TBL1X: variants seen among roughly 807,000 people sequenced by gnomAD.
TBL1X encodes F-box-like/WD repeat-containing protein TBL1X.
In TBL1X, 10 loss-of-function variants were observed where a neutral mutation model predicts 50.7. That is an observed-to-expected ratio of 0.20 (90% confidence interval 0.12 to 0.33). The LOEUF (loss-of-function observed/expected upper bound fraction) is 0.33, where lower values mean the gene tolerates loss of function less well. Ranked by LOEUF, TBL1X falls within the 10% of genes least tolerant of loss-of-function variation. TBL1X has a pLI of 1.00. For synonymous variants in TBL1X, 190 were observed against 214.7 expected (o/e 0.88, Z 1.01); for missense variants, 340 against 504.4 (o/e 0.67, Z 3.12).
At chrX:9,483,702 T>C (rs2081895596) in intron 1 of TBL1X, among the ~76,000 whole-genome samples, 2 of 111,643 alleles carry the variant, frequency 1.8e-5, no homozygotes, top group Admixed American at 1.9e-4. Flanking sequence ...CTTTGAAGTC[T>C]TTTTGCCTGC....
At chrX:9,571,665 A>G (rs903277341) in intron 2 of TBL1X, among the ~76,000 whole-genome samples, 2 of 112,072 alleles carry the variant, frequency 1.8e-5, no homozygotes, top group Admixed American at 9.4e-5. Flanking sequence ...AGGCATCATC[A>G]CCATCCTTCT....
At chrX:9,698,442 C>T (rs1216080350) in intron 12 of TBL1X, among the ~76,000 whole-genome samples, 2 of 111,849 alleles carry the variant, frequency 1.8e-5, no homozygotes, top group African/African-American at 6.5e-5. Flanking sequence ...CGGCCAAATC[C>T]AGAGCTTCGA....
At chrX:9,585,868 T>C (rs1421199413) in intron 2 of TBL1X, among the ~76,000 whole-genome samples, 1 of 111,989 alleles carries the variant, frequency 8.9e-6, no homozygotes, top group Admixed American at 9.4e-5. Flanking sequence ...ACATGTGAAT[T>C]TTAGGGGAAC....
intron 2 of TBL1X, among the ~76,000 whole-genome samples, chrX:9,629,867 C>T (rs1195646767): frequency 1.8e-5 from 2 of 110,550 alleles, no homozygotes; most frequent in South Asian, 3.9e-4. Context: ...CGCTGATCGC[C>T]GGTTGTATGG....
chrX:9,473,640 A>G (rs761947694), intron 1 of TBL1X, among the ~76,000 whole-genome samples: 1 of 111,984 alleles, frequency 8.9e-6, no homozygotes, highest in Non-Finnish European at 1.9e-5. Context: ...GCAGCCAACT[A>G]ATGGTTCTCA....
At chrX:9,527,781 G>T (rs1048802881) in intron 2 of TBL1X, among the ~76,000 whole-genome samples, 2 of 110,306 alleles carry the variant, frequency 1.8e-5, no homozygotes, top group Non-Finnish European at 3.8e-5. Flanking sequence ...CACCATCACC[G>T]CCATTCATAA....
At chrX:9,478,318 G>A (rs1352047855) in intron 1 of TBL1X, among the ~76,000 whole-genome samples, 1 of 111,435 alleles carries the variant, frequency 9.0e-6, no homozygotes, top group Non-Finnish European at 1.9e-5. Flanking sequence ...CATCTTGAAA[G>A]CACCTGCCTG....
chrX:9,541,760 C>T (rs112399868), intron 2 of TBL1X, among the ~76,000 whole-genome samples: 6 of 111,133 alleles, frequency 5.4e-5, no homozygotes, highest in African/African-American at 2.0e-4. Context: ...AGCCATGCAG[C>T]GTTTTGGTCA....
At chrX:9,668,192 G>A (rs2082941330) in intron 5 of TBL1X, among the ~76,000 whole-genome samples, 1 of 110,983 alleles carries the variant, frequency 9.0e-6, no homozygotes, top group Admixed American at 9.6e-5. Flanking sequence ...TCACAGAGAC[G>A]ACCAGAATTC....
At chrX:9,697,056 T>G (rs1040386416) in intron 11 of TBL1X, among the ~76,000 whole-genome samples, 1 of 112,472 alleles carries the variant, frequency 8.9e-6, no homozygotes. Context: ...ATGCTGTACT[T>G]TAATGATGTG....
At chrX:9,580,717 G>C (rs928549960) in intron 2 of TBL1X, among the ~76,000 whole-genome samples, 1 of 111,438 alleles carries the variant, frequency 9.0e-6, no homozygotes, top group African/African-American at 3.3e-5. Flanking sequence ...CAGGGGGAAG[G>C]GGGGGTGCTT....
Position 9,629,886 on chromosome X carries a change from A to T in TBL1X, c.-130-10387A>T, listed in dbSNP as rs766703692. Among the ~76,000 whole-genome samples, 5 of 110,768 alleles carry T rather than the reference A, an allele frequency of 4.5e-5. No homozygotes were observed. The South Asian group carries it at 1.9e-3, about 43-fold the overall frequency. ...GATCGCCGGTTGTATGGGAGTGAGG[A>T]GCAGGACGGGGCTCAGTGGGGAGCT... On this transcript the variant is annotated intron_variant, in intron 2 of 17. Transcript: ENST00000645353.
At chrX:9,574,470 A>G (rs1343229797) in intron 2 of TBL1X, among the ~76,000 whole-genome samples, 2 of 106,146 alleles carry the variant, frequency 1.9e-5, no homozygotes, top group African/African-American at 6.9e-5. Flanking sequence ...AAAAAAAAAA[A>G]AAAAAAAAAA....
intron 1 of TBL1X, among the ~76,000 whole-genome samples, chrX:9,468,465 G>A (rs1569199169): frequency 9.0e-6 from 1 of 111,537 alleles, no homozygotes; most frequent in African/African-American, 3.3e-5. Context: ...TCCTCGTGGA[G>A]GCCCTCTTCC....
At chrX:9,563,324 A>G (rs759146632) in intron 2 of TBL1X, among the ~76,000 whole-genome samples, 1 of 113,200 alleles carries the variant, frequency 8.8e-6, no homozygotes, top group African/African-American at 3.2e-5. Flanking sequence ...AATAAAATCC[A>G]TGTTTATGCA....
At chrX:9,503,249 G>C (rs962658871) in intron 2 of TBL1X, among the ~76,000 whole-genome samples, 2 of 112,232 alleles carry the variant, frequency 1.8e-5, no homozygotes, top group Non-Finnish European at 3.8e-5. Flanking sequence ...CAGGAGGTGA[G>C]TGAGCACGCT....
At chrX:9,709,442 T>C in intron 14 of TBL1X, 120 bp downstream of exon 14, 1 of 963,742 alleles carries the variant, frequency 1.0e-6, no homozygotes, top group Non-Finnish European at 1.4e-6. Context: ...TCCCTTCCTC[T>C]GTCATCCGGT....
At chrX:9,489,186 A>G (rs1291263413) in intron 1 of TBL1X, among the ~76,000 whole-genome samples, 1 of 109,787 alleles carries the variant, frequency 9.1e-6, no homozygotes, top group Non-Finnish European at 1.9e-5. Context: ...TGGGTAAGGA[A>G]TGAGACCACC....
At chrX:9,631,241 A>G (rs1396631659) in intron 2 of TBL1X, among the ~76,000 whole-genome samples, 1 of 111,560 alleles carries the variant, frequency 9.0e-6, no homozygotes, top group Admixed American at 9.5e-5. Flanking sequence ...TGTCACCCCC[A>G]GTATTCAGCC....
Sources: allele counts gnomAD v4.1 joint callset (sites outside exome capture counted in the v4.1 genomes callset), GRCh38; gene constraint gnomAD v4.1.1; transcripts MANE v1.5; gene names NCBI Gene and HGNC (gene_info 2026-07-23, HGNC 2026-07-21).